The following BCAS3 variants were observed in gnomAD, a reference collection of about 807,000 sequenced individuals.
BCAS3 encodes the protein BCAS3 microtubule associated cell migration factor, also known as BCAS4/BCAS3 fusion.
A neutral mutation model predicts 116.1 loss-of-function variants in BCAS3; 53 were observed. That is an observed-to-expected ratio of 0.46 (90% CI 0.37 to 0.57). The LOEUF (loss-of-function observed/expected upper bound fraction) is 0.57, where lower values mean the gene tolerates loss of function less well. BCAS3 is among the 20% of genes least tolerant of loss of function. The probability of loss-of-function intolerance (pLI) is 0.00; values close to 1 mark genes in which losing one functional copy is unlikely to be tolerated. For missense variants in BCAS3, 917 were observed against 1,165.4 expected (o/e 0.79, Z 3.10); for synonymous variants, 391 against 408.2 (o/e 0.96, Z 0.51).
In BCAS3 at chr17:61,361,992, C is replaced by T. The variant is rs1187058557; in HGVS notation, c.2426-6335C>T. On this transcript the variant is annotated intron_variant, in intron 22 of 23. Transcript: ENST00000407086. The surrounding 1 kb of genome is among the most constrained non-coding windows in gnomAD (Gnocchi z 6.5). ...AGTCTACCAACTCGAATGCTAATCT[C>T]TCCCAGAAACACCCCCCAGACACAC... 6.6e-6 allele frequency: 1 copy of T among 152,600 alleles called. No individual in the cohort carries two copies. The highest frequency in any genetic ancestry group is 2.4e-5 in the African/African-American group (1 of 41,474). The allele number at this position is 152,600 out of a possible 1,614,324, so 9.5% of individuals were successfully genotyped here.
intron 14 of BCAS3, 137 bp downstream of exon 14, chr17:60,947,489 T>A (rs2060571410): frequency 1.0e-6 from 1 of 975,120 alleles, no homozygotes. Context: ...ATGGGTTAGA[T>A]AAATAGGGAA....
rs1288648430 is a variant in BCAS3 at position 61,368,002 on chromosome 17, G to A, written c.2426-325G>A. On this transcript the variant is annotated intron_variant, in intron 22 of 23. Coordinates refer to ENST00000407086, the MANE Select transcript of BCAS3 (RefSeq NM_017679.5). The surrounding 1 kb of genome is among the most constrained non-coding windows in gnomAD (Gnocchi z 6.0). ...ATCAAAAAGAGGAAAGTAGGGATCC[G>A]TTTGGGTTGAACCTGGGAAGGGGGT... 1.9e-5 allele frequency: 4 copies of A among 213,336 alleles called. No homozygotes were observed. The highest frequency in any genetic ancestry group is 3.7e-5 in the Non-Finnish European group (4 of 108,094). 13.2% of individuals were successfully genotyped at this position (213,336 alleles called of 1,614,324 possible).
chr17:60,791,054 T>C (rs568035767), intron 6 of BCAS3, among the ~76,000 whole-genome samples: 8 of 152,276 alleles, frequency 5.3e-5, no homozygotes, highest in African/African-American at 1.9e-4. Context: ...AGTTTTGTTT[T>C]TCTTTTAGAG....
intron 17 of BCAS3, among the ~76,000 whole-genome samples, chr17:61,036,018 T>C (rs2067001661): frequency 6.6e-6 from 1 of 152,190 alleles, no homozygotes; most frequent in African/African-American, 2.4e-5. Flanking sequence ...ACTACTGTAG[T>C]TATTATCTTT....
At chr17:60,700,762 T>C (rs2036275759) in intron 4 of BCAS3, among the ~76,000 whole-genome samples, 1 of 152,194 alleles carries the variant, frequency 6.6e-6, no homozygotes, top group African/African-American at 2.4e-5. Flanking sequence ...TTCTAGTTGC[T>C]GCGCAGTCTA....
rs1597985063 is a variant in BCAS3, at chr17:60,679,406, G to C, written c.-5-47G>C. On this transcript the variant is annotated intron_variant, in intron 1 of 23. Coordinates refer to ENST00000407086, the MANE Select transcript of BCAS3 (RefSeq NM_017679.5). ...AATCTTCCTCCCTACCCCCAACAACGATCCATGTTTTTCTGTTTTTTGTTT... is the reference window on the plus strand; with the variant it reads ...AATCTTCCTCCCTACCCCCAACAACCATCCATGTTTTTCTGTTTTTTGTTT... The C allele has an allele frequency of 9.7e-5, 140 of 1,441,364 alleles. 1 individual carries two copies. The South Asian group carries it at 1.5e-3, about 16-fold the overall frequency. 89.3% of individuals were successfully genotyped at this position (1,441,364 alleles called of 1,614,324 possible).
rs551561914 is a variant in BCAS3 at position 60,991,654 on chromosome 17, G to A, written c.1486+1419G>A. Among the ~76,000 whole-genome samples the A allele has an allele frequency of 2.4e-4, 36 of 152,208 alleles. 1 individual carries two copies. Among genetic ancestry groups the A allele is most frequent in the Admixed American group, 9.2e-4 (14 of 15,284 alleles). On this transcript the variant is annotated intron_variant, in intron 15 of 23. Transcript: ENST00000407086. ...TTAATTGACCTGAAATTCACATAAC[G>A]TAATATTCACCATGTAAATGTGACA... is the stretch of plus-strand genomic sequence containing the variant.
chr17:61,206,765 C>T (rs1445826776), intron 22 of BCAS3, among the ~76,000 whole-genome samples: 2 of 125,352 alleles, frequency 1.6e-5, no homozygotes, highest in African/African-American at 6.2e-5. Context: ...CTCGCCATTG[C>T]ACTTCAGCCT....
Position 61,241,226 on chromosome 17 carries a change from C to T in BCAS3, c.2426-127101C>T, listed in dbSNP as rs1395635306. ...GTCAGTGAGGACTCTGTTATTACTA[C>T]GAATTTGTAGGTTGGTATTTAGCTT... On this transcript the variant is annotated intron_variant, in intron 22 of 23. Coordinates refer to ENST00000407086, the MANE Select transcript of BCAS3 (RefSeq NM_017679.5). This position sits in a 1 kb window ranked among gnomAD's most constrained non-coding sequence, Gnocchi z 4.6. 1.3e-5 allele frequency among the ~76,000 whole-genome samples: 2 copies of T among 152,038 alleles called. No homozygotes were observed. The highest frequency in any genetic ancestry group is 2.9e-5 in the Non-Finnish European group (2 of 68,026).
chr17:60,767,634 A>G (rs1410172095), intron 6 of BCAS3, among the ~76,000 whole-genome samples: 1 of 152,068 alleles, frequency 6.6e-6, no homozygotes, highest in Admixed American at 6.5e-5. Flanking sequence ...GATGTGAGCC[A>G]CTGTGCCCAG....
At position 61,392,329 on chromosome 17, in the gene BCAS3, G is replaced by A; in HGVS notation, c.*204G>A. ...AGCGCACTTGCCCTCTGCCACACCT[G>A]TCGGTGGAGGCTGTGGCCAGGAGAG... is the stretch of plus-strand genomic sequence containing the variant. On this transcript the variant is annotated 3_prime_UTR_variant, in exon 24 of 24. Coordinates refer to ENST00000407086, the MANE Select transcript of BCAS3 (RefSeq NM_017679.5). This position sits in a 1 kb window ranked among gnomAD's most constrained non-coding sequence, Gnocchi z 6.4. 3.4e-6 allele frequency: 2 copies of A among 586,764 alleles called. No homozygotes were observed. Among genetic ancestry groups the A allele is most frequent in the South Asian group, 4.9e-5 (2 of 41,226 alleles). The allele number at this position is 586,764 out of a possible 1,614,324, so 36.3% of individuals were successfully genotyped here.
At chr17:61,334,664 C>CAAAAAAAAAAAAAAA (rs35400660) in intron 22 of BCAS3, among the ~76,000 whole-genome samples, 1 of 50,892 alleles carries the variant, frequency 2.0e-5, no homozygotes, top group Non-Finnish European at 3.9e-5. Context: ...AACTCCATCT[C>CAAAAAAAAAAAAAAA]AAAAAAAAAA....
rs2051681899 is a variant in BCAS3, at chr17:61,285,495, TAG to T, written c.2426-82829_2426-82828del. 6.6e-6 allele frequency among the ~76,000 whole-genome samples: 1 copy of T among 152,176 alleles called. No individual in the cohort carries two copies. The highest frequency in any genetic ancestry group is 1.5e-5 in the Non-Finnish European group (1 of 68,028). On this transcript the variant is annotated intron_variant, in intron 22 of 23. Transcript: ENST00000407086. The surrounding 1 kb of genome is among the most constrained non-coding windows in gnomAD (Gnocchi z 5.4). The stretch of plus-strand genomic sequence containing the variant: ...CCATAGGATCTAGACTAGACTAGAC[TAG>T]AGGATTGACGCAGTGAAAATGTTTA...
At chr17:60,839,021 C>G (rs796697510) in intron 7 of BCAS3, among the ~76,000 whole-genome samples, 10 of 151,940 alleles carry the variant, frequency 6.6e-5, no homozygotes, top group African/African-American at 2.4e-4. Context: ...ACTGTGTGGG[C>G]GTAGTAGAAA....
At position 61,380,503 on chromosome 17, in the gene BCAS3, C is replaced by G. The variant is rs1477080630; in HGVS notation, c.2594-11474C>G. 1 of 1,597,008 alleles carries G rather than the reference C, an allele frequency of 6.3e-7. No individual in the cohort carries two copies. The highest frequency in any genetic ancestry group is 8.5e-7 in the Non-Finnish European group (1 of 1,178,586). On this transcript the variant is annotated intron_variant, in intron 23 of 23. Transcript: ENST00000407086. This position sits in a 1 kb window ranked among gnomAD's most constrained non-coding sequence, Gnocchi z 4.2. Reference sequence around the variant, plus strand: ...TTAAAGGAATATTTTATTTTCAATACAGACACAGCCCTTGACGTAGCAGTA... The same window carrying G: ...TTAAAGGAATATTTTATTTTCAATAGAGACACAGCCCTTGACGTAGCAGTA...
At chr17:61,030,672 T>G (rs765144733) in intron 16 of BCAS3, among the ~76,000 whole-genome samples, 3 of 152,094 alleles carry the variant, frequency 2.0e-5, no homozygotes, top group Non-Finnish European at 2.9e-5. Flanking sequence ...GTTAATTTGG[T>G]TATTCGGTTT....
intron 6 of BCAS3, among the ~76,000 whole-genome samples, chr17:60,795,837 G>A (rs1315718854): frequency 2.6e-5 from 4 of 152,068 alleles, no homozygotes; most frequent in African/African-American, 9.7e-5. Flanking sequence ...TTACAGGCAT[G>A]CGCCACCACA....
intron 4 of BCAS3, among the ~76,000 whole-genome samples, chr17:60,703,475 TCG>T (rs2036689747): frequency 6.6e-6 from 1 of 151,678 alleles, no homozygotes; most frequent in Non-Finnish European, 1.5e-5. Context: ...AGGCAGGAGA[TCG>T]CTTGAGCTTG....
Position 60,747,228 on chromosome 17 carries a change from G to C in BCAS3, c.352G>C (p.Val118Leu). The change falls in exon 6 of 24, where the codon GTT (valine) becomes CTT (leucine). Residue 118 changes from valine to leucine, a missense_variant. By Grantham distance (32) the Val-to-Leu change is conservative. Around this residue, in one of 3 missense-constraint regions of BCAS3, gnomAD observed 807 missense variants for 1,026.0 expected, o/e 0.79. Transcript: ENST00000407086. ...TGGTGAAGCACAAGAGCTCTTCTCT[G>C]TTCGACATGGCCCAATTCGAGCGGC... ...ISGEAQELFS[V>L]RHGPIRAARI... 6.2e-7 allele frequency: 1 copy of C among 1,613,250 alleles called. No homozygotes were observed. The highest frequency in any genetic ancestry group is 2.2e-5 in the East Asian group (1 of 44,876).
Sources: gnomAD v4.1 joint callset for allele counts (sites outside exome capture counted in the v4.1 genomes callset) on GRCh38, gnomAD v4.1.1 for gene constraint, gnomAD v4.1.1 regional missense constraint, Gnocchi (gnomAD v3.1) non-coding constraint, MANE v1.5 for transcripts, NCBI Gene and HGNC (gene_info 2026-07-23, HGNC 2026-07-21) for gene names.